TMEM132D: variants seen among roughly 807,000 people sequenced by gnomAD.
The protein encoded by TMEM132D is mature OL transmembrane protein.
A neutral mutation model predicts 62.3 loss-of-function variants in TMEM132D; 21 were observed. The ratio of observed to expected loss-of-function variants is 0.34; its 90% CI spans 0.24 to 0.49. The LOEUF is 0.49. Among genes scored for constraint, TMEM132D ranks in the 20% least tolerant of loss-of-function variants. TMEM132D has a pLI of 0.99. For missense variants in TMEM132D, 1,346 were observed against 1,402.8 expected (o/e 0.96, Z 0.65); for synonymous variants, 621 against 575.6 (o/e 1.08, Z -1.13).
intron 3 of TMEM132D, among the ~76,000 whole-genome samples, chr12:129,518,493 T>C (rs966050568): frequency 2.0e-5 from 3 of 150,802 alleles, no homozygotes; most frequent in African/African-American, 7.3e-5. Context: ...CTCTTGACTA[T>C]ATTGTGTGTG....
chr12:129,358,025 T>C (rs1306161639), intron 3 of TMEM132D, among the ~76,000 whole-genome samples: 1 of 152,218 alleles, frequency 6.6e-6, no homozygotes, highest in African/African-American at 2.4e-5. Context: ...ATAAAAACTT[T>C]TCATTATGAA....
intron 1 of TMEM132D, among the ~76,000 whole-genome samples, chr12:129,806,838 C>A (rs928444419): frequency 6.6e-6 from 1 of 151,848 alleles, no homozygotes; most frequent in Non-Finnish European, 1.5e-5. Context: ...CCAGCCTGGG[C>A]AATATAGTGA....
chr12:129,603,269 T>G (rs1264150845), intron 2 of TMEM132D, among the ~76,000 whole-genome samples: 1 of 152,160 alleles, frequency 6.6e-6, no homozygotes, highest in Non-Finnish European at 1.5e-5. Flanking sequence ...ACAGAGTAGA[T>G]TCCCTGCCCT....
At chr12:129,589,013 A>C (rs1565914463) in intron 2 of TMEM132D, among the ~76,000 whole-genome samples, 1 of 151,998 alleles carries the variant, frequency 6.6e-6, no homozygotes, top group Non-Finnish European at 1.5e-5. Flanking sequence ...ATGGCTTGGA[A>C]GCACTCATCT....
intron 3 of TMEM132D, among the ~76,000 whole-genome samples, chr12:129,413,864 A>T (rs1179244922): frequency 6.6e-6 from 1 of 152,236 alleles, no homozygotes; most frequent in Non-Finnish European, 1.5e-5. Flanking sequence ...ATGAAAAGTC[A>T]TACAAAATAT....
At chr12:129,157,071 G>T (rs1565981225) in intron 5 of TMEM132D, among the ~76,000 whole-genome samples, 1 of 151,546 alleles carries the variant, frequency 6.6e-6, no homozygotes, top group Non-Finnish European at 1.5e-5. Context: ...CCAATAACTA[G>T]CCCACTCCTA....
intron 1 of TMEM132D, among the ~76,000 whole-genome samples, chr12:129,818,158 G>C (rs1872419744): frequency 6.8e-6 from 1 of 147,266 alleles, no homozygotes; most frequent in African/African-American, 2.5e-5. Flanking sequence ...GTGGTATAAG[G>C]TGTATGTGTG....
intron 2 of TMEM132D, among the ~76,000 whole-genome samples, chr12:129,534,067 A>G (rs892621525): frequency 2.0e-5 from 3 of 152,242 alleles, no homozygotes; most frequent in African/African-American, 7.2e-5. Flanking sequence ...CCTAGAACAC[A>G]TGCCCCTGGG....
intron 5 of TMEM132D, among the ~76,000 whole-genome samples, chr12:129,130,635 T>A (rs1876349592): frequency 6.6e-6 from 1 of 151,844 alleles, no homozygotes; most frequent in African/African-American, 2.4e-5. Flanking sequence ...GACCAACAGG[T>A]TCAGAGCATA....
chr12:129,134,094 G>C (rs1407778183), intron 5 of TMEM132D, among the ~76,000 whole-genome samples: 3 of 143,918 alleles, frequency 2.1e-5, no homozygotes, highest in African/African-American at 7.6e-5. Context: ...TTGTATGTGT[G>C]TGTGTGTTGT....
At chr12:129,304,171 C>T (rs1041494794) in intron 4 of TMEM132D, among the ~76,000 whole-genome samples, 16 of 152,244 alleles carry the variant, frequency 1.1e-4, no homozygotes, top group African/African-American at 3.6e-4. Context: ...AGTCTGTAAG[C>T]AGAGTCATTG....
chr12:129,368,090 G>T (rs754570858), intron 3 of TMEM132D, among the ~76,000 whole-genome samples: 6 of 152,126 alleles, frequency 3.9e-5, no homozygotes, highest in African/African-American at 7.2e-5. Flanking sequence ...ACAGAGCCTG[G>T]TCTCTTTTTC....
chr12:129,360,005 A>G (rs572985405), intron 3 of TMEM132D, among the ~76,000 whole-genome samples: 2 of 152,268 alleles, frequency 1.3e-5, no homozygotes, highest in South Asian at 4.1e-4. Flanking sequence ...AATGAGAAAA[A>G]AAAAAAACCC....
At chr12:129,265,438 G>A (rs556949170) in intron 4 of TMEM132D, among the ~76,000 whole-genome samples, 32 of 152,294 alleles carry the variant, frequency 2.1e-4, no homozygotes, top group African/African-American at 7.2e-4. Flanking sequence ...TCCGAATTTG[G>A]CACCTAGAAC....
intron 3 of TMEM132D, among the ~76,000 whole-genome samples, chr12:129,387,838 C>T (rs1016017978): frequency 1.0e-4 from 13 of 127,288 alleles, no homozygotes; most frequent in East Asian, 2.3e-4. Flanking sequence ...ACACTAACAC[C>T]GACATCAATA....
chr12:129,264,191 C>A (rs1280958488), intron 4 of TMEM132D, among the ~76,000 whole-genome samples: 2 of 152,168 alleles, frequency 1.3e-5, no homozygotes, highest in Non-Finnish European at 2.9e-5. Flanking sequence ...GAGTTCGAGA[C>A]CAGCCTGGGC....
At chr12:129,743,248 G>A (rs148175476) in intron 1 of TMEM132D, among the ~76,000 whole-genome samples, 167 of 152,322 alleles carry the variant, frequency 1.1e-3, no homozygotes, top group African/African-American at 1.5e-3. Flanking sequence ...ATATTTGGCC[G>A]TGTCTCCATC....
chr12:129,507,868 A>T lies in TMEM132D; in HGVS notation c.1115+23191T>A, dbSNP rs560458364. On this transcript the variant is annotated intron_variant, in intron 3 of 8. Coordinates refer to ENST00000422113, the MANE Select transcript of TMEM132D (RefSeq NM_133448.3). ...CCAATAACCTATGGAAACAAAAAAC[A>T]TTAAAAAATAGAAAGTCTATTGATT... Among the ~76,000 whole-genome samples the T allele has an allele frequency of 2.6e-5, 4 of 152,306 alleles. No individual in the cohort carries two copies. In the South Asian group the frequency reaches 6.2e-4, roughly 24 times the overall value.
rs114458341 is a variant in TMEM132D, at chr12:129,730,351, A to G, written c.80-29653T>C. On this transcript the variant is annotated intron_variant, in intron 1 of 8. Coordinates refer to ENST00000422113, the MANE Select transcript of TMEM132D (RefSeq NM_133448.3). The stretch of plus-strand genomic sequence containing the variant: ...ATTTATATTATAAATATACTCTGCC[A>G]TTGTAATTATGCATTTACAAATCCC... Among the ~76,000 whole-genome samples, 1,088 of 152,328 alleles carry G rather than the reference A, an allele frequency of 7.1e-3. 16 individuals carry two copies. Among genetic ancestry groups the G allele is most frequent in the African/African-American group, 0.025 (1,019 of 41,580 alleles).
Sources: allele counts gnomAD v4.1 joint callset (sites outside exome capture counted in the v4.1 genomes callset), GRCh38; gene constraint gnomAD v4.1.1; transcripts MANE v1.5; gene names NCBI Gene and HGNC (gene_info 2026-07-23, HGNC 2026-07-21).